Variants in BTF3L4 observed in about 807,000 individuals in gnomAD.
BTF3L4 encodes the protein transcription factor BTF3 homolog 4.
In BTF3L4, 6 loss-of-function variants were observed where a neutral mutation model predicts 16.8. That is an observed-to-expected ratio of 0.36 (90% confidence interval 0.20 to 0.71). The LOEUF (loss-of-function observed/expected upper bound fraction) is 0.71, where lower values mean the gene tolerates loss of function less well. Ranked by LOEUF, BTF3L4 falls within the 30% of genes least tolerant of loss-of-function variation. BTF3L4 has a pLI of 0.58. For synonymous variants in BTF3L4, 39 were observed against 59.8 expected (o/e 0.65, Z 1.60); for missense variants, 92 against 186.9 (o/e 0.49, Z 2.96).
At chr1:52,073,689 C>CAAAAAA (rs57529132) in intron 3 of BTF3L4, among the ~76,000 whole-genome samples, 1 of 67,630 alleles carries the variant, frequency 1.5e-5, no homozygotes, top group Non-Finnish European at 2.4e-5. Context: ...GCTGTCTCTA[C>CAAAAAA]AAAAAAAAAA....
intron 4 of BTF3L4, among the ~76,000 whole-genome samples, chr1:52,084,898 A>C (rs570947959): frequency 6.6e-6 from 1 of 152,138 alleles, no homozygotes; most frequent in East Asian, 1.9e-4. Flanking sequence ...TGAATTTCCA[A>C]GATAGTCCTG....
chr1:52,084,248 T>G (rs1643949009), intron 4 of BTF3L4, among the ~76,000 whole-genome samples: 3 of 151,922 alleles, frequency 2.0e-5, no homozygotes, highest in African/African-American at 7.3e-5. Context: ...CAAGCAATTT[T>G]CATGCCTCAG....
intron 4 of BTF3L4, among the ~76,000 whole-genome samples, chr1:52,083,785 C>T (rs1012680910): frequency 1.3e-5 from 2 of 151,926 alleles, no homozygotes; most frequent in African/African-American, 2.4e-5. Flanking sequence ...TTTGGGAGGC[C>T]GAGACGGGCA....
chr1:52,060,508 G>T, intron 2 of BTF3L4: 1 of 1,259,472 alleles, frequency 7.9e-7, no homozygotes. Context: ...ACTTTTTAAA[G>T]CCTAAGGAAG....
intron 4 of BTF3L4, among the ~76,000 whole-genome samples, chr1:52,085,247 C>G (rs1363967889): frequency 1.3e-5 from 2 of 151,744 alleles, no homozygotes; most frequent in Non-Finnish European, 2.9e-5. Flanking sequence ...TCTTAAACTC[C>G]TGACCTCGTG....
intron 3 of BTF3L4, among the ~76,000 whole-genome samples, chr1:52,077,454 A>T (rs1227328433): frequency 6.6e-6 from 1 of 152,194 alleles, no homozygotes; most frequent in African/African-American, 2.4e-5. Flanking sequence ...AGGCAGTGGA[A>T]TCACTTGAAC....
At chr1:52,077,514 C>T (rs866086354) in intron 3 of BTF3L4, among the ~76,000 whole-genome samples, 5 of 152,146 alleles carry the variant, frequency 3.3e-5, no homozygotes, top group Admixed American at 6.5e-5. Flanking sequence ...GCCGAGATTG[C>T]GCCATTGCAC....
chr1:52,081,390 C>T (rs1019256754), intron 3 of BTF3L4, among the ~76,000 whole-genome samples: 1 of 151,770 alleles, frequency 6.6e-6, no homozygotes, highest in Non-Finnish European at 1.5e-5. Flanking sequence ...TCCCAAAGTG[C>T]TAGGATTACA....
intron 4 of BTF3L4, 81 bp from the exon 5 acceptor site, chr1:52,086,031 C>A: frequency 2.3e-6 from 2 of 873,404 alleles, no homozygotes; most frequent in Non-Finnish European, 3.4e-6. Context: ...GTGATTTATA[C>A]AGGAAAAAAG....
intron 3 of BTF3L4, among the ~76,000 whole-genome samples, chr1:52,073,095 G>A (rs200332330): frequency 3.3e-5 from 5 of 151,878 alleles, no homozygotes; most frequent in Non-Finnish European, 5.9e-5. Flanking sequence ...GGTGGTGCAC[G>A]CCTGTAATCC....
chr1:52,084,775 AGGG>A (rs35191448), intron 4 of BTF3L4, among the ~76,000 whole-genome samples: 146,314 of 150,816 alleles, frequency 0.97, 70,990 homozygotes, highest in East Asian at 1. Context: ...TGGGTGACAG[AGGG>A]GGGAGACCCT....
At chr1:52,082,458 G>C (rs1158216277) in intron 3 of BTF3L4, among the ~76,000 whole-genome samples, 1 of 152,142 alleles carries the variant, frequency 6.6e-6, no homozygotes, top group Non-Finnish European at 1.5e-5. Context: ...GAACTGGCTG[G>C]GTGTGGTGGC....
chr1:52,067,803 T>G (rs1023005815), intron 3 of BTF3L4, among the ~76,000 whole-genome samples: 4 of 152,174 alleles, frequency 2.6e-5, no homozygotes, highest in Non-Finnish European at 5.9e-5. Flanking sequence ...CATTTTGAAC[T>G]CGATAATTCT....
At chr1:52,066,597 A>G (rs1241321828) in intron 3 of BTF3L4, among the ~76,000 whole-genome samples, 1 of 150,736 alleles carries the variant, frequency 6.6e-6, no homozygotes, top group Non-Finnish European at 1.5e-5. Context: ...TAATCCCAGC[A>G]CTTTGGGAGG....
intron 1 of BTF3L4, among the ~76,000 whole-genome samples, chr1:52,057,112 T>A (rs1466574448): frequency 3.3e-5 from 5 of 152,224 alleles, no homozygotes; most frequent in Non-Finnish European, 5.9e-5. Context: ...CCTTTCCAAA[T>A]GCAGGAGGAA....
At chr1:52,060,712 T>C in intron 2 of BTF3L4, 1 of 755,574 alleles carries the variant, frequency 1.3e-6, no homozygotes, top group Non-Finnish European at 1.6e-6. Flanking sequence ...TTTACACTGA[T>C]GATAACCACA....
chr1:52,066,358 ATT>A (rs201141498), intron 3 of BTF3L4, among the ~76,000 whole-genome samples: 10 of 138,890 alleles, frequency 7.2e-5, no homozygotes, highest in Non-Finnish European at 9.5e-5. Flanking sequence ...CACCCGGATA[ATT>A]TTTTTTTTTT....
chr1:52,076,096 G>T (rs552436465), intron 3 of BTF3L4, among the ~76,000 whole-genome samples: 59 of 152,274 alleles, frequency 3.9e-4, no homozygotes, highest in Admixed American at 6.5e-4. Context: ...TATATAAAGA[G>T]AATTCCTAGC....
chr1:52,072,600 T>C (rs1686817363), intron 3 of BTF3L4, among the ~76,000 whole-genome samples: 1 of 152,200 alleles, frequency 6.6e-6, no homozygotes, highest in Admixed American at 6.5e-5. Flanking sequence ...CCTGGAGGCC[T>C]GAAAACACTC....
Sources: gnomAD v4.1 joint callset for allele counts (sites outside exome capture counted in the v4.1 genomes callset) on GRCh38, gnomAD v4.1.1 for gene constraint, MANE v1.5 for transcripts, NCBI Gene and HGNC (gene_info 2026-07-23, HGNC 2026-07-21) for gene names.